GABRA3: variants seen among roughly 807,000 people sequenced by gnomAD.
GABRA3 encodes the protein gamma-aminobutyric acid type A receptor subunit alpha3, also known as gamma-aminobutyric acid receptor subunit alpha-3.
GABRA3 carries 10 observed loss-of-function variants against 30.1 expected under a neutral mutation model. The observed-to-expected ratio is 0.33, with a 90% CI of 0.20 to 0.56. The LOEUF (loss-of-function observed/expected upper bound fraction) is 0.56, where lower values mean the gene tolerates loss of function less well. Ranked by LOEUF, GABRA3 falls within the 20% of genes least tolerant of loss-of-function variation. The probability of loss-of-function intolerance (pLI) is 0.89; values close to 1 mark genes in which losing one functional copy is unlikely to be tolerated. For synonymous variants in GABRA3, 151 were observed against 146.8 expected (o/e 1.03, Z -0.21); for missense variants, 233 against 392.0 (o/e 0.59, Z 3.42).
chrX:152,197,565 C>T (rs1937405608), intron 8 of GABRA3, 68 bp downstream of exon 8: 2 of 1,020,301 alleles, frequency 2.0e-6, no homozygotes, highest in Non-Finnish European at 2.6e-6. Flanking sequence ...CATTCTTCCA[C>T]CTTTCTCACC....
intron 1 of GABRA3, chrX:152,392,119 T>A (rs1603253256): frequency 3.0e-6 from 1 of 330,615 alleles, no homozygotes; most frequent in East Asian, 8.5e-5. Flanking sequence ...CATACACTGA[T>A]GGTGCCATGC....
At chrX:152,220,854 T>C (rs1358984906) in intron 6 of GABRA3, among the ~76,000 whole-genome samples, 1 of 110,860 alleles carries the variant, frequency 9.0e-6, no homozygotes, top group African/African-American at 3.3e-5. Context: ...TGTGTGCATG[T>C]GCATGTGCGT....
intron 3 of GABRA3, among the ~76,000 whole-genome samples, chrX:152,326,243 G>C (rs951674873): frequency 1.8e-5 from 2 of 111,834 alleles, no homozygotes; most frequent in African/African-American, 6.5e-5. Flanking sequence ...GTACCTGAAA[G>C]TGATGGGGAG....
At chrX:152,190,871 AATATAT>A (rs59438630) in intron 8 of GABRA3, among the ~76,000 whole-genome samples, 1 of 105,051 alleles carries the variant, frequency 9.5e-6, no homozygotes, top group African/African-American at 3.4e-5. Context: ...TATGCATGTG[AATATAT>A]ATATATATAT....
At chrX:152,248,687 C>T (rs1938501674) in intron 5 of GABRA3, among the ~76,000 whole-genome samples, 2 of 111,152 alleles carry the variant, frequency 1.8e-5, no homozygotes, top group African/African-American at 3.3e-5. Flanking sequence ...TTAAAAAATA[C>T]ATTATGTTGG....
intron 2 of GABRA3, among the ~76,000 whole-genome samples, chrX:152,359,209 C>CT (rs1216200780): frequency 3.6e-5 from 4 of 110,564 alleles, no homozygotes; most frequent in African/African-American, 6.6e-5. Flanking sequence ...GATTGGTAGG[C>CT]TTTTTTTTAC....
At chrX:152,392,109 C>A (rs372801184) in intron 1 of GABRA3, 75 of 317,021 alleles carry the variant, frequency 2.4e-4, no homozygotes, top group South Asian at 2.2e-3. Flanking sequence ...GCATTGTGCA[C>A]ATACACTGAT....
intron 3 of GABRA3, among the ~76,000 whole-genome samples, chrX:152,296,585 T>C (rs1000592950): frequency 3.6e-5 from 4 of 112,070 alleles, no homozygotes; most frequent in African/African-American, 6.5e-5. Context: ...CTGACAACTT[T>C]TGACATTTGG....
intron 1 of GABRA3, among the ~76,000 whole-genome samples, chrX:152,421,297 T>C (rs1310554855): frequency 1.8e-5 from 2 of 111,069 alleles, no homozygotes; most frequent in African/African-American, 6.5e-5. Context: ...TATGGTAAAA[T>C]TGGTTTTGTT....
chrX:152,271,992 G>A (rs1368037580), intron 4 of GABRA3, among the ~76,000 whole-genome samples: 1 of 112,065 alleles, frequency 8.9e-6, no homozygotes, highest in Non-Finnish European at 1.9e-5. Context: ...GGATGTCCAG[G>A]CAGAAGTTTG....
intron 4 of GABRA3, among the ~76,000 whole-genome samples, chrX:152,274,293 G>T (rs1470875387): frequency 9.0e-6 from 1 of 110,823 alleles, no homozygotes. Flanking sequence ...TAAAAAATTA[G>T]AACAACCCAG....
chrX:152,278,954 GTTGT>G (rs1460798172), intron 4 of GABRA3, among the ~76,000 whole-genome samples: 3 of 111,660 alleles, frequency 2.7e-5, no homozygotes, highest in Admixed American at 9.5e-5. Context: ...TGTTGATGGG[GTTGT>G]TTGTTTTTTT....
chrX:152,392,452 G>A (rs772613995), intron 1 of GABRA3, among the ~76,000 whole-genome samples: 5 of 111,750 alleles, frequency 4.5e-5, no homozygotes, highest in East Asian at 2.8e-4. Flanking sequence ...TGTAGACAAC[G>A]ATGGTGCATT....
chrX:152,419,241 T>C (rs746089451), intron 1 of GABRA3, among the ~76,000 whole-genome samples: 72 of 110,683 alleles, frequency 6.5e-4, no homozygotes, highest in Non-Finnish European at 1.2e-3. Flanking sequence ...TGTACACATA[T>C]GTAACAAACC....
intron 4 of GABRA3, among the ~76,000 whole-genome samples, chrX:152,269,649 G>A (rs1369362636): frequency 8.9e-6 from 1 of 111,819 alleles, no homozygotes; most frequent in Non-Finnish European, 1.9e-5. Context: ...GAGATACATA[G>A]ACTAATGGAA....
At chrX:152,343,860 C>T (rs1003767405) in intron 3 of GABRA3, among the ~76,000 whole-genome samples, 8 of 112,025 alleles carry the variant, frequency 7.1e-5, no homozygotes. Context: ...CAAATGGGTA[C>T]ATGTATCAAT....
chrX:152,199,124 T>C (rs1355416332), intron 7 of GABRA3, among the ~76,000 whole-genome samples: 2 of 110,915 alleles, frequency 1.8e-5, no homozygotes, highest in East Asian at 5.7e-4. Context: ...CCCAGCACTT[T>C]GGGAGGCCAA....
chrX:152,236,595 G>C (rs1739749057), intron 5 of GABRA3, among the ~76,000 whole-genome samples: 1 of 104,646 alleles, frequency 9.6e-6, no homozygotes, highest in Admixed American at 1.0e-4. Context: ...GGTTGAACTA[G>C]TTTACAGTCC....
At chrX:152,334,439 T>C (rs1602623) in intron 3 of GABRA3, among the ~76,000 whole-genome samples, 23,652 of 111,244 alleles carry the variant, frequency 0.21, 2,298 homozygotes, top group African/African-American at 0.39. Flanking sequence ...TAGGACATAA[T>C]CATTTAAGCA....
Sources: gnomAD v4.1 joint callset for allele counts (sites outside exome capture counted in the v4.1 genomes callset) on GRCh38, gnomAD v4.1.1 for gene constraint, MANE v1.5 for transcripts, NCBI Gene and HGNC (gene_info 2026-07-23, HGNC 2026-07-21) for gene names.